STON1: variants seen among roughly 807,000 people sequenced by gnomAD.
The protein encoded by STON1 is stonin 1, also known as stonin-1.
Under a neutral mutation model 60.9 loss-of-function variants are expected in STON1, and 79 were observed. That is an observed-to-expected ratio of 1.30 (90% CI 1.08 to 1.56). STON1 has a LOEUF of 1.56. Ranked by LOEUF, STON1 falls within the 40% of genes most tolerant of loss-of-function variation. The pLI is 0.00. For synonymous variants in STON1, 363 were observed against 306.9 expected, an observed-to-expected ratio of 1.18 and a Z score of -1.91; for missense variants, 1,166 against 858.9, an observed-to-expected ratio of 1.36 and a Z score of -4.47.
Position 48,596,522 on chromosome 2 carries a change from T to A in STON1, c.*1220T>A, listed in dbSNP as rs1454990514. ...TTAGTCTGAAAAACAAACTCCCCCA[T>A]GTGGTATTAATATACCTTCAATTTA... On this transcript the variant is annotated 3_prime_UTR_variant, in exon 4 of 4. Coordinates refer to ENST00000404752, the MANE Select transcript of STON1 (RefSeq NM_006873.4). 2 of 152,210 alleles carry A rather than the reference T, an allele frequency of 1.3e-5. No homozygotes were observed. The highest frequency in any genetic ancestry group is 2.9e-5 in the Non-Finnish European group (2 of 68,022). The allele number at this position is 152,210 out of a possible 1,614,324, so 9.4% of individuals were successfully genotyped here.
chr2:48,580,976 G>T lies in STON1; in HGVS notation c.343G>T (p.Ala115Ser), dbSNP rs147769896. ...IPESSSDSPL[A>S]ISGGESSLLP... is the part of the protein sequence containing the mutation. Reference sequence around the variant, plus strand: ...AGAATCATCTTCAGACAGCCCACTCGCAATATCAGGAGGAGAATCTTCCTT... The same window carrying T: ...AGAATCATCTTCAGACAGCCCACTCTCAATATCAGGAGGAGAATCTTCCTT... Residue 115 changes from alanine (A) to serine (S), a missense_variant, in exon 2 of 4, where the codon GCA becomes TCA. Transcript: ENST00000404752. 5.1e-6 allele frequency: 8 copies of T among 1,575,644 alleles called. No homozygotes were observed. Among genetic ancestry groups the T allele is most frequent in the South Asian group, 4.8e-5 (4 of 82,870 alleles).
chr2:48,548,706 C>G (rs528443314), intron 1 of STON1, among the ~76,000 whole-genome samples: 13 of 151,954 alleles, frequency 8.6e-5, no homozygotes, highest in Non-Finnish European at 2.9e-5. Flanking sequence ...CACCATGTTG[C>G]CCAGGCTGGT....
intron 1 of STON1, among the ~76,000 whole-genome samples, chr2:48,562,617 T>C (rs1252901885): frequency 2.0e-5 from 3 of 152,164 alleles, no homozygotes; most frequent in African/African-American, 4.8e-5. Context: ...AGAAATGCCA[T>C]GAGAGGCCAG....
rs752175691 is a variant in STON1 at position 48,581,254 on chromosome 2, C to G, written c.621C>G (p.Phe207Leu). 198 of 1,517,630 alleles carry G rather than the reference C, an allele frequency of 1.3e-4. No homozygotes were observed. Among genetic ancestry groups the G allele is most frequent in the Non-Finnish European group, 1.7e-4 (189 of 1,137,960 alleles). 94.0% of individuals were successfully genotyped at this position (1,517,630 alleles called of 1,614,324 possible). The stretch of plus-strand genomic sequence containing the variant: ...ACCCACCAGGAAGCAAAAAGATGTT[C>G]TCATCAAGAAACAAGGAGATGCCTA... ...TLDPPGSKKM[F>L]SSRNKEMPID... is the part of the protein sequence containing the mutation. Residue 207 changes from phenylalanine (F) to leucine (L), a missense_variant, in exon 2 of 4, where the codon TTC (phenylalanine) becomes TTG (leucine). Physicochemically the swap from Phe to Leu is conservative, Grantham distance 22 (BLOSUM62 0). Transcript: ENST00000404752.
rs563742481 is a variant in STON1 at position 48,562,739 on chromosome 2, T to C, written c.-47-17848T>C. Among the ~76,000 whole-genome samples the C allele has an allele frequency of 5.3e-5, 8 of 152,298 alleles. No individual in the cohort carries two copies. In the South Asian group the frequency reaches 1.7e-3, roughly 32 times the overall value. ...AAGCTTATGAAGGAGGAGCTCCTTT[T>C]AATTGTGGCTCAGAAGTTGCCCATC... On this transcript the variant is annotated intron_variant, in intron 1 of 3. Coordinates refer to ENST00000404752, the MANE Select transcript of STON1 (RefSeq NM_006873.4).
At chr2:48,560,750 G>T (rs537683659) in intron 1 of STON1, among the ~76,000 whole-genome samples, 1 of 152,306 alleles carries the variant, frequency 6.6e-6, no homozygotes, top group Admixed American at 6.5e-5. Context: ...GGAGCTGGGC[G>T]AGAGGGTGGG....
chr2:48,572,418 A>G (rs1291508021), intron 1 of STON1, among the ~76,000 whole-genome samples: 1 of 152,146 alleles, frequency 6.6e-6, no homozygotes, highest in African/African-American at 2.4e-5. Context: ...TGAAAGGTGG[A>G]CAGTGAGGGG....
At chr2:48,583,044 A>G (rs1673990679) in intron 2 of STON1, among the ~76,000 whole-genome samples, 1 of 152,098 alleles carries the variant, frequency 6.6e-6, no homozygotes, top group Admixed American at 6.5e-5. Context: ...TTTTTACCCA[A>G]ATTGATTTTT....
chr2:48,566,064 A>G (rs1003826711), intron 1 of STON1, among the ~76,000 whole-genome samples: 1 of 152,352 alleles, frequency 6.6e-6, no homozygotes, highest in African/African-American at 2.4e-5. Flanking sequence ...ACAGCTGGAC[A>G]TTAGTTAAAG....
chr2:48,547,764 G>A (rs1671921635), intron 1 of STON1, among the ~76,000 whole-genome samples: 1 of 152,206 alleles, frequency 6.6e-6, no homozygotes, highest in Non-Finnish European at 1.5e-5. Context: ...CCGGGAGGAG[G>A]TTAATTTGCG....
chr2:48,580,182 A>G (rs1673791439), intron 1 of STON1, among the ~76,000 whole-genome samples: 1 of 152,130 alleles, frequency 6.6e-6, no homozygotes, highest in African/African-American at 2.4e-5. Context: ...TGCTGGGATT[A>G]CAGTTGTGAC....
intron 1 of STON1, among the ~76,000 whole-genome samples, chr2:48,542,453 C>A (rs568494717): frequency 6.6e-6 from 1 of 152,294 alleles, no homozygotes; most frequent in East Asian, 1.9e-4. Context: ...ACAGTAATAA[C>A]AAAATCCACC....
At chr2:48,542,447 T>C (rs937509242) in intron 1 of STON1, among the ~76,000 whole-genome samples, 1 of 152,206 alleles carries the variant, frequency 6.6e-6, no homozygotes, top group Admixed American at 6.5e-5. Flanking sequence ...TATAAAACAG[T>C]AATAACAAAA....
Position 48,565,341 on chromosome 2 carries a change from C to T in STON1, c.-47-15246C>T, listed in dbSNP as rs2349097. ...TGCCAGGATTACAGGCGTGAGCCAC[C>T]GCGCCCAGCCTCCGACTTCTTATAC... On this transcript the variant is annotated intron_variant, in intron 1 of 3. Coordinates refer to ENST00000404752, the MANE Select transcript of STON1 (RefSeq NM_006873.4). Among the ~76,000 whole-genome samples, 1,084 of 152,200 alleles carry T rather than the reference C, an allele frequency of 7.1e-3. 7 individuals are homozygous for T. Among genetic ancestry groups the T allele is most frequent in the Non-Finnish European group, 0.011 (747 of 68,020 alleles).
intron 1 of STON1, among the ~76,000 whole-genome samples, chr2:48,560,141 C>G (rs895116572): frequency 1.3e-5 from 2 of 152,214 alleles, no homozygotes; most frequent in Admixed American, 1.3e-4. Flanking sequence ...CCCCACTGAA[C>G]TGTTAAGACC....
At chr2:48,564,489 CT>C (rs1558604929) in intron 1 of STON1, among the ~76,000 whole-genome samples, 508 of 24,936 alleles carry the variant, frequency 0.02, 49 homozygotes, top group South Asian at 0.029. Context: ...CTTTCTTCTT[CT>C]TCTTCTTCTT....
At chr2:48,587,353 C>T (rs981031786) in intron 2 of STON1, among the ~76,000 whole-genome samples, 1 of 152,140 alleles carries the variant, frequency 6.6e-6, no homozygotes, top group African/African-American at 2.4e-5. Context: ...AGTGCAATGG[C>T]ACCATCTTGG....
At chr2:48,564,485 T>TCTTC (rs1672793774) in intron 1 of STON1, among the ~76,000 whole-genome samples, 1 of 24,700 alleles carries the variant, frequency 4.0e-5, no homozygotes, top group African/African-American at 1.6e-4. Context: ...TCTTCTTTCT[T>TCTTC]CTTCTTCTTC....
chr2:48,580,894 C>T lies in STON1; in HGVS notation c.261C>T (p.Asp87=), dbSNP rs948151347. Residue 87 remains aspartate (D), a synonymous_variant, in exon 2 of 4, where the codon GAC becomes GAT. Coordinates refer to ENST00000404752, the MANE Select transcript of STON1 (RefSeq NM_006873.4). ...CTCCTCTTTCTACACCTACCAAAGA[C>T]TTCCCAGGTTTTCCTGGCATCCCCA... ...SNSPLSTPTK[D]FPGFPGIPKA... is the part of the protein sequence containing the mutation. 1.9e-6 allele frequency: 3 copies of T among 1,593,274 alleles called. No homozygotes were observed. The African/African-American group carries it at 4.0e-5, about 21-fold the overall frequency.
Sources: allele counts gnomAD v4.1 joint callset (sites outside exome capture counted in the v4.1 genomes callset), GRCh38; gene constraint gnomAD v4.1.1; transcripts MANE v1.5; gene names NCBI Gene and HGNC (gene_info 2026-07-23, HGNC 2026-07-21).